Variants in CAD observed in about 807,000 individuals in gnomAD.
CAD encodes carbamoyl-phosphate synthetase 2, aspartate transcarbamylase, and dihydroorotase, also known as multifunctional protein CAD.
Under a neutral mutation model 237.2 loss-of-function variants are expected in CAD, and 81 were observed. The ratio of observed to expected loss-of-function variants is 0.34; its 90% CI spans 0.29 to 0.41. The LOEUF is 0.41. CAD is among the 10% of genes least tolerant of loss of function. CAD has a pLI of 1.00. For missense variants in CAD, 2,181 were observed against 2,951.7 expected, an observed-to-expected ratio of 0.74 and a Z score of 6.05; for synonymous variants, 1,196 against 1,162.8, an observed-to-expected ratio of 1.03 and a Z score of -0.58.
rs1207213560 is a variant in CAD, at chr2:27,238,542, G to C, written c.4972G>C (p.Gly1658Arg). 3 of 1,614,010 alleles carry C rather than the reference G, an allele frequency of 1.9e-6. No individual in the cohort carries two copies. The highest frequency in any genetic ancestry group is 2.2e-5 in the East Asian group (1 of 44,894). The change falls in exon 31 of 44, where the codon GGG (glycine) becomes CGG (arginine). Residue 1658 changes from glycine (G) to arginine (R), a missense_variant. Around this residue, in one of 12 missense-constraint regions of CAD, gnomAD observed 478 missense variants for 515.0 expected, o/e 0.93. Transcript: ENST00000264705. ...CCTGGAGCGCCTGGGGCCTGGGAAGGGGGAGGTCCGGCCTGAGCTTGGCTC... is the reference window on the plus strand; with the variant it reads ...CCTGGAGCGCCTGGGGCCTGGGAAGCGGGAGGTCCGGCCTGAGCTTGGCTC... ...DDLERLGPGK[G>R]EVRPELGSRQ...
intron 23 of CAD, 96 bp downstream of exon 23, chr2:27,234,781 T>C (rs1675921399): frequency 8.6e-7 from 1 of 1,167,672 alleles, no homozygotes; most frequent in Non-Finnish European, 1.2e-6. Flanking sequence ...AGGCACTGAC[T>C]GCAAGGCATT....
intron 15 of CAD, 79 bp downstream of exon 15, chr2:27,227,041 G>C (rs1675476898): frequency 3.2e-6 from 4 of 1,268,624 alleles, no homozygotes; most frequent in Non-Finnish European, 4.6e-6. Flanking sequence ...CCCTGGCATG[G>C]CCTTTTACGT....
chr2:27,224,807 A>G lies in CAD; in HGVS notation c.1317A>G (p.Thr439=), dbSNP rs202046521. 6.2e-6 allele frequency: 10 copies of G among 1,614,150 alleles called. No individual in the cohort carries two copies. The highest frequency in any genetic ancestry group is 1.6e-4 in the Middle Eastern group (1 of 6,062). Residue 439 remains threonine (T), a synonymous_variant, in exon 10 of 44, where the codon ACA becomes ACG. Transcript: ENST00000264705. The part of the protein sequence containing the change: ...QTLLINPNIA[T]VQTSQGLADK... ...TGCTGATCAACCCCAATATTGCCAC[A>G]GTGCAGACCTCCCAGGGGCTGGCCG... is the stretch of plus-strand genomic sequence containing the variant.
chr2:27,220,086 G>T (rs1224078327), intron 2 of CAD, among the ~76,000 whole-genome samples: 1 of 152,106 alleles, frequency 6.6e-6, no homozygotes, highest in East Asian at 1.9e-4. Flanking sequence ...ACATCATGAA[G>T]ACAGGAACCT....
Position 27,242,304 on chromosome 2 carries a change from G to T in CAD, c.6099G>T (p.Leu2033=), listed in dbSNP as rs1473157452. The change falls in exon 40 of 44, where the codon CTG becomes CTT. Residue 2033 remains leucine (L), a splice_region_variant and synonymous_variant. Transcript: ENST00000264705. This position sits in a 1 kb window ranked among gnomAD's most constrained non-coding sequence, Gnocchi z 6.4. ...LRHPQPGAVE[L]AAKHCRRPVI... Reference sequence around the variant, plus strand: ...CAGGATTTTCCCCTTTTTTCCAGCTGGCCGCCAAGCACTGCCGGAGGCCAG... The same window carrying T: ...CAGGATTTTCCCCTTTTTTCCAGCTTGCCGCCAAGCACTGCCGGAGGCCAG... 1 of 1,604,322 alleles carries T rather than the reference G, an allele frequency of 6.2e-7. No individual in the cohort carries two copies. Among genetic ancestry groups the T allele is most frequent in the Admixed American group, 1.7e-5 (1 of 58,558 alleles).
rs987683278 is a variant in CAD, at chr2:27,217,375, T to C, written c.-177T>C. 3.2e-6 allele frequency: 2 copies of C among 620,662 alleles called. No homozygotes were observed. Among genetic ancestry groups the C allele is most frequent in the South Asian group, 1.9e-5 (1 of 53,752 alleles). 38.4% of individuals were successfully genotyped at this position (620,662 alleles called of 1,614,324 possible). ...CCTGTGTCCGCGCCGCCGCAGTCTC[T>C]GCTGCTGCCGCCAAGCGCGCCCGAG... On this transcript the variant is annotated 5_prime_UTR_variant, in exon 1 of 44. Coordinates refer to ENST00000264705, the MANE Select transcript of CAD (RefSeq NM_004341.5).
intron 15 of CAD, among the ~76,000 whole-genome samples, chr2:27,230,740 TATC>T (rs1476845941): frequency 6.6e-6 from 1 of 152,164 alleles, no homozygotes; most frequent in Non-Finnish European, 1.5e-5. Flanking sequence ...ATCTTCCTAT[TATC>T]TACACTTTTT....
At chr2:27,226,345 A>G in intron 13 of CAD, 26 bp downstream of exon 13, 1 of 1,605,934 alleles carries the variant, frequency 6.2e-7, no homozygotes, top group Non-Finnish European at 8.5e-7. Flanking sequence ...TGGAACTGAT[A>G]GTCTAGTTGT....
rs771020816 is a variant in CAD at position 27,240,236 on chromosome 2, A to AG, written c.5497-29_5497-28insG. The AG allele has an allele frequency of 5.1e-6, 8 of 1,555,662 alleles. No homozygotes were observed. In the South Asian group the frequency reaches 8.3e-5, roughly 16 times the overall value. ...TCCGTCTCAAAAGAAAAAAAAAAAA[A>AG]CAACTCTGGGCCAACGTTATCCCTC... On this transcript the variant is annotated intron_variant, in intron 34 of 43. Transcript: ENST00000264705. The surrounding 1 kb of genome is among the most constrained non-coding windows in gnomAD (Gnocchi z 4.6).
rs751100657 is a variant in CAD at position 27,234,031 on chromosome 2, C to T, written c.3423C>T (p.Ala1141=). The change falls in exon 22 of 44, where the codon GCC becomes GCT. Residue 1141 remains alanine (A), a synonymous_variant. Coordinates refer to ENST00000264705, the MANE Select transcript of CAD (RefSeq NM_004341.5). ...AGGAGATTGACGTGGATGCCGTGGC[C>T]TCTGATGGTGTGGTGGCAGCCATCG... The part of the protein sequence containing the change: ...EAKEIDVDAV[A]SDGVVAAIAI... The T allele has an allele frequency of 2.4e-5, 38 of 1,613,924 alleles. No individual in the cohort carries two copies. Among genetic ancestry groups the T allele is most frequent in the Non-Finnish European group, 2.9e-5 (34 of 1,179,992 alleles).
At chr2:27,227,290 G>C (rs1013311956) in intron 15 of CAD, among the ~76,000 whole-genome samples, 18 of 151,986 alleles carry the variant, frequency 1.2e-4, no homozygotes, top group African/African-American at 4.4e-4. Context: ...AAACCTTTTT[G>C]GTAACAAGGA....
At chr2:27,223,446 A>G (rs905686632) in intron 6 of CAD, 117 bp from the exon 7 acceptor site, 1 of 946,954 alleles carries the variant, frequency 1.1e-6, no homozygotes, top group African/African-American at 1.8e-5. Flanking sequence ...AAAAAAAAAA[A>G]CAAAAAGGAA....
Position 27,239,476 on chromosome 2 carries a change from G to C in CAD, c.5394+5G>C. The C allele has an allele frequency of 6.2e-7, 1 of 1,612,812 alleles. No homozygotes were observed. The highest frequency in any genetic ancestry group is 8.5e-7 in the Non-Finnish European group (1 of 1,179,356). On this transcript the variant is annotated splice_donor_5th_base_variant and intron_variant, in intron 33 of 43. Transcript: ENST00000264705. The surrounding 1 kb of genome is among the most constrained non-coding windows in gnomAD (Gnocchi z 4.0). ...GTTGCCTATATCGATGGGCAGGTAC[G>C]CAAGTAGCCCCTGCCTGATCTCAGT...
Position 27,222,753 on chromosome 2 carries a change from C to T in CAD, c.637+93C>T, listed in dbSNP as rs927130498. Reference sequence around the variant, plus strand: ...AATTGCTAAAAGTCAGTAGGAGTTGCAGTGAAGAAGATAGACATTGGGACT... The same window carrying T: ...AATTGCTAAAAGTCAGTAGGAGTTGTAGTGAAGAAGATAGACATTGGGACT... On this transcript the variant is annotated intron_variant, in intron 5 of 43. Transcript: ENST00000264705. 1.7e-5 allele frequency: 27 copies of T among 1,574,174 alleles called. No individual in the cohort carries two copies. The East Asian group carries it at 4.0e-4, about 24-fold the overall frequency.
rs1002574329 is a variant in CAD at position 27,222,098 on chromosome 2, G to A, written c.353-96G>A. 7 of 1,250,256 alleles carry A rather than the reference G, an allele frequency of 5.6e-6. No individual in the cohort carries two copies. In the African/African-American group the frequency reaches 1.0e-4, roughly 19 times the overall value. The allele number at this position is 1,250,256 out of a possible 1,614,324, so 77.4% of individuals were successfully genotyped here. On this transcript the variant is annotated intron_variant, in intron 3 of 43. Transcript: ENST00000264705. ...TGATGCACATAGAACAGCTGTGTGT[G>A]ACTGGGGCTCTGGAATGGAAGTGCT...
chr2:27,236,270 C>T lies in CAD; in HGVS notation c.4075-14C>T, dbSNP rs1271258948. On this transcript the variant is annotated splice_polypyrimidine_tract_variant and intron_variant, in intron 25 of 43. Coordinates refer to ENST00000264705, the MANE Select transcript of CAD (RefSeq NM_004341.5). This position sits in a 1 kb window ranked among gnomAD's most constrained non-coding sequence, Gnocchi z 4.1. The stretch of plus-strand genomic sequence containing the variant: ...CCAGACAGCTTGGCCCTGACCTTGA[C>T]TCCGGGTTGGCAGGTAACAGCTGTG... 6 of 1,611,548 alleles carry T rather than the reference C, an allele frequency of 3.7e-6. No homozygotes were observed. The highest frequency in any genetic ancestry group is 4.5e-5 in the East Asian group (2 of 44,854).
At position 27,239,692 on chromosome 2, in the gene CAD, T is replaced by G; in HGVS notation, c.5395-5T>G. On this transcript the variant is annotated splice_polypyrimidine_tract_variant and splice_region_variant and intron_variant, in intron 33 of 43. Transcript: ENST00000264705. The surrounding 1 kb of genome is among the most constrained non-coding windows in gnomAD (Gnocchi z 4.0). ...CCTCCTGAGTGCCCTGCCTTCTGCC[T>G]GCAGGTTCTGGTACCCCCGGGCTAT... 1 of 1,573,542 alleles carries G rather than the reference T, an allele frequency of 6.4e-7. No individual in the cohort carries two copies. Among genetic ancestry groups the G allele is most frequent in the Non-Finnish European group, 8.6e-7 (1 of 1,157,824 alleles).
In CAD at chr2:27,238,462, G is replaced by A; in HGVS notation, c.4892G>A (p.Gly1631Asp). The A allele has an allele frequency of 6.2e-7, 1 of 1,601,358 alleles. No homozygotes were observed. The highest frequency in any genetic ancestry group is 1.7e-4 in the Middle Eastern group (1 of 5,978). Reference protein sequence around the residue: ...ILLIKAAKARGLPVTCEVAPH... With the variant: ...ILLIKAAKARDLPVTCEVAPH... ...CTAATTAAAGCTGCAAAGGCACGGG[G>A]CTTGCCAGTGACCTGCGAGGTGGCT... is the stretch of plus-strand genomic sequence containing the variant. Residue 1631 changes from glycine to aspartate, a missense_variant, in exon 31 of 44, where the codon GGC becomes GAC. Transcript: ENST00000264705.
In CAD at chr2:27,243,540, T is replaced by A. The variant is rs776667608; in HGVS notation, c.*22T>A. 3 of 1,553,084 alleles carry A rather than the reference T, an allele frequency of 1.9e-6. No individual in the cohort carries two copies. In the South Asian group the frequency reaches 3.5e-5, roughly 18 times the overall value. On this transcript the variant is annotated 3_prime_UTR_variant, in exon 44 of 44. Transcript: ENST00000264705. ...CTAGGGCCTGGCTTCCTCAGCCTCT[T>A]CTCTTTAGGCCCAGCTGCTGGGCAA...
Sources: gnomAD v4.1 joint callset for allele counts (sites outside exome capture counted in the v4.1 genomes callset) on GRCh38, gnomAD v4.1.1 for gene constraint, gnomAD v4.1.1 regional missense constraint, Gnocchi (gnomAD v3.1) non-coding constraint, MANE v1.5 for transcripts, NCBI Gene and HGNC (gene_info 2026-07-23, HGNC 2026-07-21) for gene names.